C14orf39: variants seen among roughly 807,000 people sequenced by gnomAD.
C14orf39 encodes chromosome 14 open reading frame 39.
Under a neutral mutation model 85.6 loss-of-function variants are expected in C14orf39, and 66 were observed. The observed-to-expected ratio is 0.77, with a 90% CI of 0.63 to 0.95. The LOEUF (loss-of-function observed/expected upper bound fraction) is 0.95, where lower values mean the gene tolerates loss of function less well. Ranked by LOEUF, C14orf39 falls within the 40% of genes least tolerant of loss-of-function variation. C14orf39 has a pLI of 0.00. For missense variants in C14orf39, 735 were observed against 663.9 expected, an observed-to-expected ratio of 1.11 and a Z score of -1.18; for synonymous variants, 242 against 214.0, an observed-to-expected ratio of 1.13 and a Z score of -1.14.
At chr14:60,502,765 C>T (rs1014331643) in intron 1 of C14orf39, among the ~76,000 whole-genome samples, 6 of 152,210 alleles carry the variant, frequency 3.9e-5, no homozygotes, top group African/African-American at 1.4e-4. Context: ...GCTTAAGCAG[C>T]CTCCTCTCTG....
At chr14:60,467,192 C>A in intron 9 of C14orf39, 148 bp from the exon 10 acceptor site, 1 of 346,546 alleles carries the variant, frequency 2.9e-6, no homozygotes, top group Non-Finnish European at 5.0e-6. Flanking sequence ...TAGACTTGCC[C>A]AAAATGACTG....
intron 2 of C14orf39, chr14:60,495,017 C>A: frequency 5.6e-6 from 1 of 180,108 alleles, no homozygotes. Context: ...AACATGGCCA[C>A]ACTGGTAAAT....
intron 11 of C14orf39, among the ~76,000 whole-genome samples, chr14:60,464,238 A>G (rs1174506985): frequency 6.6e-6 from 1 of 152,176 alleles, no homozygotes; most frequent in East Asian, 1.9e-4. Context: ...TAGCAGGAAA[A>G]GAAAACATAG....
rs1468997118 is a variant in C14orf39, at chr14:60,486,044, C to T, written c.-108G>A. The T allele has an allele frequency of 2.0e-5, 3 of 152,754 alleles. No homozygotes were observed. Among genetic ancestry groups the T allele is most frequent in the African/African-American group, 7.2e-5 (3 of 41,458 alleles). The allele number at this position is 152,754 out of a possible 1,614,324, so 9.5% of individuals were successfully genotyped here. A position where few individuals can be genotyped will look rare whatever the true frequency, so the allele number is the denominator to read the frequency against. On this transcript the variant is annotated 5_prime_UTR_variant, in exon 1 of 18. Transcript: ENST00000321731. Reference sequence around the variant, plus strand: ...GCGGATCCTAACTACAAACGGTCCCCGGAGCCCTGGGCTGGACTCGCTCAG... The same window carrying T: ...GCGGATCCTAACTACAAACGGTCCCTGGAGCCCTGGGCTGGACTCGCTCAG...
chr14:60,453,767 A>G lies in C14orf39; in HGVS notation c.1503+1234T>C, dbSNP rs549658687. 1.5e-4 allele frequency among the ~76,000 whole-genome samples: 23 copies of G among 151,922 alleles called. No individual in the cohort carries two copies. In the South Asian group the frequency reaches 4.6e-3, roughly 30 times the overall value. ...ATTATTTTGCCAATCTCCTTCCCCA[A>G]TCCCACCACCATAAAAACAAAACAA... On this transcript the variant is annotated intron_variant, in intron 16 of 17. Coordinates refer to ENST00000321731, the MANE Select transcript of C14orf39 (RefSeq NM_174978.3).
At chr14:60,482,966 C>T (rs996901717) in intron 4 of C14orf39, among the ~76,000 whole-genome samples, 1 of 150,402 alleles carries the variant, frequency 6.6e-6, no homozygotes, top group African/African-American at 2.4e-5. Context: ...GAGTCATTAC[C>T]TATGCAGAGG....
chr14:60,495,322 A>G, intron 2 of C14orf39: 1 of 217,306 alleles, frequency 4.6e-6, no homozygotes. Flanking sequence ...GAGGCCACCA[A>G]TCCTTGGGGA....
rs2140188379 is a variant in C14orf39, at chr14:60,510,076, T to C, written c.-144+5319A>G. The C allele has an allele frequency of 5.8e-6, 6 of 1,026,064 alleles. No homozygotes were observed. The East Asian group carries it at 7.8e-5, about 13-fold the overall frequency. The allele number at this position is 1,026,064 out of a possible 1,614,324, so 63.6% of individuals were successfully genotyped here. A position where few individuals can be genotyped will look rare whatever the true frequency, so the allele number is the denominator to read the frequency against. ...CCTGGCGACTCCAATTCAGCAGGAG[T>C]TGGGAGCGCGGTCTGTCTTGGGTTA... On this transcript the variant is annotated intron_variant, in intron 1 of 5. Transcript: ENST00000556799.
intron 11 of C14orf39, among the ~76,000 whole-genome samples, chr14:60,465,490 C>G (rs923590322): frequency 2.0e-5 from 3 of 152,058 alleles, no homozygotes; most frequent in Non-Finnish European, 2.9e-5. Context: ...ATTGCTGATG[C>G]CTGGCCAAAG....
At chr14:60,509,271 C>A in intron 1 of C14orf39, 1 of 821,194 alleles carries the variant, frequency 1.2e-6, no homozygotes, top group Non-Finnish European at 2.0e-6. Context: ...CGCCGCCACC[C>A]GGTAGTGTGT....
At chr14:60,492,923 AT>A (rs900243816) in intron 2 of C14orf39, among the ~76,000 whole-genome samples, 1 of 152,246 alleles carries the variant, frequency 6.6e-6, no homozygotes, top group South Asian at 2.1e-4. Flanking sequence ...CACTAACGAA[AT>A]TTTTTTTAAA....
chr14:60,479,504 T>A (rs1388426131), intron 4 of C14orf39, among the ~76,000 whole-genome samples: 2 of 152,108 alleles, frequency 1.3e-5, no homozygotes, highest in Admixed American at 1.3e-4. Context: ...AATATAACTA[T>A]CTCATAAACT....
intron 5 of C14orf39, among the ~76,000 whole-genome samples, chr14:60,472,525 A>G (rs1211147921): frequency 6.6e-6 from 1 of 152,124 alleles, no homozygotes; most frequent in Non-Finnish European, 1.5e-5. Flanking sequence ...AGCATTAGAT[A>G]TATCTCCTAA....
chr14:60,452,484 T>C (rs1269593438), intron 16 of C14orf39, among the ~76,000 whole-genome samples: 1 of 151,410 alleles, frequency 6.6e-6, no homozygotes, highest in Non-Finnish European at 1.5e-5. Context: ...GAAAGATGAT[T>C]ACCAGAGGCT....
At chr14:60,495,569 G>T (rs1267466996) in intron 2 of C14orf39, 1 of 233,008 alleles carries the variant, frequency 4.3e-6, no homozygotes, top group Admixed American at 4.0e-5. Flanking sequence ...GAATGCCATT[G>T]CCTGCTCCCA....
At position 60,515,165 on chromosome 14, in the gene C14orf39, C is replaced by G. The variant is rs1309473637; in HGVS notation, c.-144+230G>C. On this transcript the variant is annotated intron_variant, in intron 1 of 5. Coordinates refer to the C14orf39 transcript ENST00000556799. The surrounding 1 kb of genome is among the most constrained non-coding windows in gnomAD (Gnocchi z 6.2). ...GTGCCCGGCGCCGCCGACGGGAAGGCAGCGGCGGGGAGGCCCCCTGGAGGC... is the reference window on the plus strand; with the variant it reads ...GTGCCCGGCGCCGCCGACGGGAAGGGAGCGGCGGGGAGGCCCCCTGGAGGC... The G allele has an allele frequency of 6.6e-6, 1 of 152,106 alleles. No individual in the cohort carries two copies. Among genetic ancestry groups the G allele is most frequent in the Non-Finnish European group, 1.5e-5 (1 of 67,966 alleles). 9.4% of individuals were successfully genotyped at this position (152,106 alleles called of 1,614,324 possible).
intron 16 of C14orf39, among the ~76,000 whole-genome samples, chr14:60,442,378 T>C (rs1403903571): frequency 1.3e-5 from 2 of 152,218 alleles, no homozygotes; most frequent in African/African-American, 2.4e-5. Context: ...GCTCTTACTT[T>C]AGAATCTTAA....
chr14:60,509,539 C>G, intron 1 of C14orf39: 1 of 1,610,044 alleles, frequency 6.2e-7, no homozygotes, highest in African/African-American at 1.3e-5. Flanking sequence ...GCGAGGCCCT[C>G]AACAAGAATG....
In C14orf39 at chr14:60,491,706, G is replaced by A. The variant is rs951501395; in HGVS notation, c.-8-6620C>T. 2.6e-5 allele frequency among the ~76,000 whole-genome samples: 4 copies of A among 151,832 alleles called. No individual in the cohort carries two copies. Among genetic ancestry groups the A allele is most frequent in the Admixed American group, 1.3e-4 (2 of 15,244 alleles). On this transcript the variant is annotated intron_variant, in intron 2 of 5. Coordinates refer to the C14orf39 transcript ENST00000556799. The surrounding 1 kb of genome is among the most constrained non-coding windows in gnomAD (Gnocchi z 4.5). The stretch of plus-strand genomic sequence containing the variant: ...AATTCATTCTCTCACCTGGATTATT[G>A]TACTAACTTCCAAACTGGTTTTGCC...
Sources: allele counts gnomAD v4.1 joint callset (sites outside exome capture counted in the v4.1 genomes callset), GRCh38; gene constraint gnomAD v4.1.1; non-coding constraint Gnocchi (gnomAD v3.1); transcripts MANE v1.5; gene names NCBI Gene and HGNC (gene_info 2026-07-23, HGNC 2026-07-21).